FSTL5: variants seen among roughly 807,000 people sequenced by gnomAD.
The protein encoded by FSTL5 is follistatin like 5, also known as follistatin-related protein 5.
A neutral mutation model predicts 89.1 loss-of-function variants in FSTL5; 62 were observed. The observed-to-expected ratio is 0.70, with a 90% CI of 0.57 to 0.86. FSTL5 has a LOEUF of 0.86. Ranked by LOEUF, FSTL5 falls within the 40% of genes least tolerant of loss-of-function variation. FSTL5 has a pLI of 0.00. For missense variants in FSTL5, 1,057 were observed against 1,001.6 expected (o/e 1.06, Z -0.75); for synonymous variants, 383 against 346.2 (o/e 1.11, Z -1.18).
At chr4:161,745,651 G>A (rs896916898) in intron 6 of FSTL5, among the ~76,000 whole-genome samples, 2 of 151,738 alleles carry the variant, frequency 1.3e-5, no homozygotes, top group Admixed American at 1.3e-4. Context: ...TAAATGAAAT[G>A]TGTCAAACTA....
intron 10 of FSTL5, among the ~76,000 whole-genome samples, chr4:161,525,592 T>A (rs6825520): frequency 0.027 from 4,039 of 152,196 alleles, 173 homozygotes; most frequent in African/African-American, 0.09. Context: ...AAAATTTTTT[T>A]AAAAATATTC....
chr4:161,881,556 C>G (rs1056939886), intron 4 of FSTL5, among the ~76,000 whole-genome samples: 8 of 152,084 alleles, frequency 5.3e-5, no homozygotes, highest in African/African-American at 1.9e-4. Context: ...CAGATTTCAA[C>G]TCCAGCGCGT....
At chr4:162,046,605 T>C (rs770819592) in intron 2 of FSTL5, among the ~76,000 whole-genome samples, 4 of 152,124 alleles carry the variant, frequency 2.6e-5, no homozygotes, top group Non-Finnish European at 5.9e-5. Flanking sequence ...TGAAGCTATT[T>C]GGTAAAGAGC....
At chr4:161,419,072 A>G (rs191148927) in intron 15 of FSTL5, among the ~76,000 whole-genome samples, 116 of 152,292 alleles carry the variant, frequency 7.6e-4, no homozygotes, top group African/African-American at 2.6e-3. Context: ...CTTCTCAATC[A>G]CATTTCAATC....
chr4:161,920,690 A>T (rs771973713), intron 3 of FSTL5, 38 bp from the exon 4 acceptor site: 2 of 1,558,516 alleles, frequency 1.3e-6, no homozygotes, highest in East Asian at 2.3e-5. Flanking sequence ...CGTTTGGTTC[A>T]TTTGTCCAAA....
intron 5 of FSTL5, among the ~76,000 whole-genome samples, chr4:161,774,152 C>G (rs1432821823): frequency 1.3e-5 from 2 of 152,064 alleles, no homozygotes; most frequent in South Asian, 4.1e-4. Flanking sequence ...GTCCCAGCTA[C>G]TTGGGAGGCA....
chr4:162,115,316 C>A (rs1052185335), intron 1 of FSTL5, among the ~76,000 whole-genome samples: 1 of 152,170 alleles, frequency 6.6e-6, no homozygotes, highest in Non-Finnish European at 1.5e-5. Context: ...CTTCTTATTT[C>A]TCTTTAGATA....
intron 3 of FSTL5, among the ~76,000 whole-genome samples, chr4:161,997,309 A>G (rs568945280): frequency 6.6e-6 from 1 of 152,306 alleles, no homozygotes; most frequent in East Asian, 1.9e-4. Context: ...CTTAAGATGT[A>G]TAGCAAAATG....
intron 1 of FSTL5, among the ~76,000 whole-genome samples, chr4:162,147,101 G>A (rs1029633102): frequency 5.3e-5 from 8 of 151,868 alleles, no homozygotes; most frequent in African/African-American, 1.9e-4. Context: ...TTTTCTTTCT[G>A]AAGATCCCAT....
chr4:162,139,454 CCACA>C (rs140005000), intron 1 of FSTL5, among the ~76,000 whole-genome samples: 35,040 of 149,652 alleles, frequency 0.23, 4,198 homozygotes, highest in Non-Finnish European at 0.26. Flanking sequence ...ACACACACGC[CCACA>C]CACACACACA....
At chr4:161,623,956 C>A (rs953085715) in intron 7 of FSTL5, among the ~76,000 whole-genome samples, 1 of 151,798 alleles carries the variant, frequency 6.6e-6, no homozygotes, top group Non-Finnish European at 1.5e-5. Context: ...TAGTTCTTAG[C>A]AGTTAAATTT....
chr4:161,436,852 A>C (rs1175708285), intron 15 of FSTL5, among the ~76,000 whole-genome samples: 1 of 152,172 alleles, frequency 6.6e-6, no homozygotes, highest in Non-Finnish European at 1.5e-5. Context: ...TTAAGATTGC[A>C]GGGGAAAGTT....
At chr4:161,700,584 C>A (rs1031068535) in intron 6 of FSTL5, among the ~76,000 whole-genome samples, 1 of 151,540 alleles carries the variant, frequency 6.6e-6, no homozygotes, top group Admixed American at 6.6e-5. Flanking sequence ...CTATGTTTGC[C>A]CAGGGTGGTC....
At chr4:161,965,379 T>G (rs1190633085) in intron 3 of FSTL5, among the ~76,000 whole-genome samples, 1 of 152,090 alleles carries the variant, frequency 6.6e-6, no homozygotes, top group African/African-American at 2.4e-5. Flanking sequence ...TTTGGTGTCT[T>G]CCCCTTGGAA....
At chr4:161,521,865 G>GA (rs751284853) in intron 10 of FSTL5, among the ~76,000 whole-genome samples, 1 of 120,498 alleles carries the variant, frequency 8.3e-6, no homozygotes, top group Non-Finnish European at 1.6e-5. Flanking sequence ...AAAAAAAAAA[G>GA]AAAAAAAAAG....
At chr4:161,817,589 C>T (rs991116436) in intron 4 of FSTL5, among the ~76,000 whole-genome samples, 3 of 152,102 alleles carry the variant, frequency 2.0e-5, no homozygotes, top group Admixed American at 6.5e-5. Context: ...CTCAGCAATT[C>T]TTAGCAGTTT....
At chr4:161,641,855 A>G (rs1437328143) in intron 7 of FSTL5, among the ~76,000 whole-genome samples, 1 of 152,146 alleles carries the variant, frequency 6.6e-6, no homozygotes, top group African/African-American at 2.4e-5. Context: ...AGGAAATAGT[A>G]CTGATTATAT....
At chr4:161,486,245 A>G (rs1473097139) in intron 12 of FSTL5, among the ~76,000 whole-genome samples, 3 of 152,008 alleles carry the variant, frequency 2.0e-5, no homozygotes, top group Non-Finnish European at 1.5e-5. Context: ...TGTCGCTGGT[A>G]TTATGAAGAA....
chr4:161,991,446 T>A (rs1181962290), intron 3 of FSTL5, among the ~76,000 whole-genome samples: 1 of 152,196 alleles, frequency 6.6e-6, no homozygotes, highest in Non-Finnish European at 1.5e-5. Context: ...CATTTTAAGA[T>A]ATAAATACAA....
Sources: gnomAD v4.1 joint callset for allele counts (sites outside exome capture counted in the v4.1 genomes callset) on GRCh38, gnomAD v4.1.1 for gene constraint, MANE v1.5 for transcripts, NCBI Gene and HGNC (gene_info 2026-07-23, HGNC 2026-07-21) for gene names.